The following LINGO2 variants were observed in gnomAD, a reference collection of about 807,000 sequenced individuals.
LINGO2 encodes leucine-rich repeat and immunoglobulin-like domain-containing nogo receptor-interacting protein 2.
In LINGO2, 14 loss-of-function variants were observed where a neutral mutation model predicts 30.6. The observed-to-expected ratio is 0.46, with a 90% CI of 0.30 to 0.72. The LOEUF (loss-of-function observed/expected upper bound fraction) is 0.72. Ranked by LOEUF, LINGO2 falls within the 30% of genes least tolerant of loss-of-function variation. The pLI, the probability that LINGO2 is intolerant of heterozygous loss-of-function variation, is 0.07. For synonymous variants in LINGO2, 317 were observed against 288.5 expected (o/e 1.10, Z -1.00); for missense variants, 729 against 751.7 (o/e 0.97, Z 0.35).
chr9:28,770,409 G>A, the LINGO2 span, among the ~76,000 whole-genome samples: 3,644 of 152,240 alleles, frequency 0.024, 67 homozygotes, highest in South Asian at 0.038. Flanking sequence ...AACCGCATAG[G>A]TCTTGTGGTT....
chr9:28,391,536 C>G (rs572143071), intron 2 of LINGO2, among the ~76,000 whole-genome samples: 1 of 151,996 alleles, frequency 6.6e-6, no homozygotes, highest in East Asian at 1.9e-4. Context: ...TGTCTAACGG[C>G]CTTATTATTC....
chr9:28,489,301 C>G (rs1008035188), intron 1 of LINGO2, among the ~76,000 whole-genome samples: 2 of 152,118 alleles, frequency 1.3e-5, no homozygotes, highest in Non-Finnish European at 2.9e-5. Context: ...TTCCAAGTAG[C>G]TGGGACTACA....
At chr9:28,984,500 C>T in the LINGO2 span, among the ~76,000 whole-genome samples, 3 of 151,892 alleles carry the variant, frequency 2.0e-5, no homozygotes, top group African/African-American at 4.8e-5. Context: ...TTATTTGAAT[C>T]AGAGGGCACA....
At chr9:28,804,565 A>AAAAACAAAAACAAAAACAAAAAC in the LINGO2 span, among the ~76,000 whole-genome samples, 1 of 85,976 alleles carries the variant, frequency 1.2e-5, no homozygotes, top group African/African-American at 4.6e-5. Flanking sequence ...AAACAAAAAC[A>AAAAACAAAAACAAAAACAAAAAC]AAAAAAAAAC....
At chr9:29,190,092 T>C in the LINGO2 span, among the ~76,000 whole-genome samples, 1 of 151,800 alleles carries the variant, frequency 6.6e-6, no homozygotes, top group Non-Finnish European at 1.5e-5. Context: ...TTTTACAACA[T>C]TGTACTTAAT....
chr9:28,711,617 T>C, the LINGO2 span, among the ~76,000 whole-genome samples: 1 of 152,264 alleles, frequency 6.6e-6, no homozygotes, highest in Non-Finnish European at 1.5e-5. Flanking sequence ...GGACAACACA[T>C]AATTCAAGTG....
At chr9:29,130,832 C>T in the LINGO2 span, among the ~76,000 whole-genome samples, 2 of 151,914 alleles carry the variant, frequency 1.3e-5, no homozygotes, top group Non-Finnish European at 2.9e-5. Context: ...TTCAGTGGTG[C>T]TGGTCATGCC....
chr9:28,053,935 A>C (rs1341693148), intron 4 of LINGO2, among the ~76,000 whole-genome samples: 1 of 152,088 alleles, frequency 6.6e-6, no homozygotes, highest in African/African-American at 2.4e-5. Flanking sequence ...ACTGAGTAAC[A>C]GATATGGGGT....
Position 28,453,996 on chromosome 9 carries a change from A to G in LINGO2, c.-279+21944T>C, listed in dbSNP as rs537550281. On this transcript the variant is annotated intron_variant, in intron 2 of 5. Coordinates refer to ENST00000379992, the Ensembl canonical transcript of LINGO2. ...TCATGGCTGGAATGGTGAAATGAGA[A>G]GTCCGAAAGATTAAAATGGACCAAG... Among the ~76,000 whole-genome samples, 26 of 152,164 alleles carry G rather than the reference A, an allele frequency of 1.7e-4. 1 individual carries two copies. The highest frequency in any genetic ancestry group is 1.6e-3 in the Admixed American group (24 of 15,248).
At chr9:28,496,185 G>T (rs1166277626) in intron 1 of LINGO2, among the ~76,000 whole-genome samples, 1 of 152,100 alleles carries the variant, frequency 6.6e-6, no homozygotes, top group African/African-American at 2.4e-5. Context: ...TCTGCTTGGT[G>T]CAGAGCTGAG....
intron 1 of LINGO2, among the ~76,000 whole-genome samples, chr9:28,589,574 C>G (rs1305724041): frequency 2.6e-5 from 4 of 152,024 alleles, no homozygotes; most frequent in Non-Finnish European, 4.4e-5. Context: ...GAATAAAATA[C>G]CTAGGAATCC....
At chr9:29,166,136 G>A in the LINGO2 span, among the ~76,000 whole-genome samples, 30 of 152,176 alleles carry the variant, frequency 2.0e-4, no homozygotes, top group Middle Eastern at 3.4e-3. Context: ...AGGGTAACAC[G>A]AATTAGGCAA....
intron 4 of LINGO2, among the ~76,000 whole-genome samples, chr9:28,077,675 C>T (rs992187474): frequency 7.1e-6 from 1 of 141,796 alleles, no homozygotes; most frequent in Non-Finnish European, 1.5e-5. Context: ...ATTAAAATGT[C>T]AGCTAAATTG....
intron 3 of LINGO2, among the ~76,000 whole-genome samples, chr9:28,309,247 C>T (rs1307434606): frequency 6.6e-6 from 1 of 152,082 alleles, no homozygotes; most frequent in Non-Finnish European, 1.5e-5. Flanking sequence ...GAATACTACG[C>T]AGCCATAAAA....
chr9:29,090,409 C>T, the LINGO2 span, among the ~76,000 whole-genome samples: 1 of 151,980 alleles, frequency 6.6e-6, no homozygotes, highest in Non-Finnish European at 1.5e-5. Context: ...CTCTGAGCAA[C>T]CGTCATTTAG....
rs78483551 is a variant in LINGO2, at chr9:28,151,855, G to T, written c.-86-139450C>A. Among the ~76,000 whole-genome samples, 26 of 152,134 alleles carry T rather than the reference G, an allele frequency of 1.7e-4. 1 individual carries two copies. The East Asian group carries it at 4.8e-3, about 28-fold the overall frequency. ...AAAAAGTATAAATTAATGAAGAATT[G>T]AATAGATGGATATTTTCAATCTTGG... On this transcript the variant is annotated intron_variant, in intron 4 of 5. Transcript: ENST00000379992.
At chr9:28,047,302 A>C (rs1824468701) in intron 4 of LINGO2, among the ~76,000 whole-genome samples, 1 of 152,094 alleles carries the variant, frequency 6.6e-6, no homozygotes, top group Non-Finnish European at 1.5e-5. Flanking sequence ...GGATGATTGT[A>C]GGTTCTGGCA....
intron 2 of LINGO2, among the ~76,000 whole-genome samples, chr9:28,392,867 C>A (rs1007662347): frequency 2.6e-5 from 4 of 152,142 alleles, no homozygotes; most frequent in East Asian, 1.9e-4. Flanking sequence ...AGACAAAGAT[C>A]AAAAATATTT....
At chr9:28,260,390 C>T (rs895294806) in intron 4 of LINGO2, among the ~76,000 whole-genome samples, 3 of 151,794 alleles carry the variant, frequency 2.0e-5, no homozygotes, top group Non-Finnish European at 4.4e-5. Context: ...TCGTAATGGT[C>T]GCTTTGACTT....
Sources: gnomAD v4.1 joint callset for allele counts (sites outside exome capture counted in the v4.1 genomes callset) on GRCh38, gnomAD v4.1.1 for gene constraint, MANE v1.5 for transcripts, NCBI Gene and HGNC (gene_info 2026-07-23, HGNC 2026-07-21) for gene names.